TM6SF2: variants seen among roughly 807,000 people sequenced by gnomAD.
The protein encoded by TM6SF2 is transmembrane 6 superfamily member 2.
In TM6SF2, 29 loss-of-function variants were observed where a neutral mutation model predicts 41.0. That is an observed-to-expected ratio of 0.71 (90% CI 0.53 to 0.96). The LOEUF (loss-of-function observed/expected upper bound fraction) is 0.96, where lower values mean the gene tolerates loss of function less well. TM6SF2 is among the 50% of genes least tolerant of loss of function. The pLI is 0.00. For synonymous variants in TM6SF2, 200 were observed against 209.1 expected, an observed-to-expected ratio of 0.96 and a Z score of 0.37; for missense variants, 475 against 499.0, an observed-to-expected ratio of 0.95 and a Z score of 0.46.
Position 19,271,024 on chromosome 19 carries a change from G to T in TM6SF2, c.197C>A (p.Ala66Asp). 1 of 1,612,828 alleles carries T rather than the reference G, an allele frequency of 6.2e-7. No individual in the cohort carries two copies. Among genetic ancestry groups the T allele is most frequent in the Non-Finnish European group, 8.5e-7 (1 of 1,178,812 alleles). Reference protein sequence around the residue: ...HGEVSYDPLYAVFAVFAFTSV... With the variant: ...HGEVSYDPLYDVFAVFAFTSV... ...CCCACAGCTTCCCACTGACTCACCA[G>T]CATAGAGTGGGTCATAGGAGACCTC... The change falls in exon 2 of 10, where the codon GCT (alanine) becomes GAT (aspartate). Residue 66 changes from alanine to aspartate, a missense_variant and splice_region_variant. Ala to Asp is a moderately radical substitution (Grantham distance 126). Around this residue, in one of 3 missense-constraint regions of TM6SF2, gnomAD observed 238 missense variants for 228.6 expected, o/e 1.04. Transcript: ENST00000389363.
At chr19:19,265,407 C>CTATCTATCT (rs1478604397) in intron 9 of TM6SF2, among the ~76,000 whole-genome samples, 60 of 87,710 alleles carry the variant, frequency 6.8e-4, no homozygotes, top group East Asian at 5.0e-3. Flanking sequence ...TCTATCTATC[C>CTATCTATCT]ATCCATCCAT....
chr19:19,270,983 C>T (rs770996540), intron 2 of TM6SF2, 39 bp downstream of exon 2: 1 of 1,579,642 alleles, frequency 6.3e-7, no homozygotes, highest in Non-Finnish European at 8.7e-7. Flanking sequence ...AGGCCCTTGC[C>T]TGGACAGTCT....
chr19:19,267,342 TG>T, intron 8 of TM6SF2, among the ~76,000 whole-genome samples: 1 of 138,676 alleles, frequency 7.2e-6, no homozygotes, highest in East Asian at 2.1e-4. Flanking sequence ...CACTCCAGCC[TG>T]GGCCACAAGA....
Position 19,266,369 on chromosome 19 carries a change from C to CTGGG in TM6SF2, c.924+117_924+120dup. The CTGGG allele has an allele frequency of 2.1e-6, 3 of 1,410,072 alleles. No homozygotes were observed. In the South Asian group the frequency reaches 4.0e-5, roughly 19 times the overall value. 87.3% of individuals were successfully genotyped at this position (1,410,072 alleles called of 1,614,324 possible). On this transcript the variant is annotated intron_variant, in intron 9 of 9. Coordinates refer to ENST00000389363, the MANE Select transcript of TM6SF2 (RefSeq NM_001001524.3). ...ACTAGGGAATCCTGGGATATTGGGC[C>CTGGG]TGGGGCTGGGGCCTCTTGGGGGCTC...
chr19:19,270,957 C>T, intron 2 of TM6SF2, 65 bp downstream of exon 2: 1 of 1,417,586 alleles, frequency 7.1e-7, no homozygotes, highest in Non-Finnish European at 1.0e-6. Flanking sequence ...TTAATGGCCC[C>T]CAAGTCTGAG....
At chr19:19,265,415 C>CGTCT (rs1568611154) in intron 9 of TM6SF2, among the ~76,000 whole-genome samples, 4 of 96,996 alleles carry the variant, frequency 4.1e-5, no homozygotes, top group South Asian at 3.1e-4. Flanking sequence ...TCCATCCATC[C>CGTCT]ATCTATCTAT....
In TM6SF2 at chr19:19,270,324, C is replaced by T; in HGVS notation, c.297+21G>A. ...CAGACGGGCAGTGCGGTAGGGGGCT[C>T]CCTGGTCGTCCCCCAAGTACCTCCT... On this transcript the variant is annotated intron_variant, in intron 3 of 9. Coordinates refer to ENST00000389363, the MANE Select transcript of TM6SF2 (RefSeq NM_001001524.3). 3.1e-6 allele frequency: 5 copies of T among 1,614,096 alleles called. No individual in the cohort carries two copies. The Admixed American group carries it at 5.0e-5, about 16-fold the overall frequency.
rs115679832 is a variant in TM6SF2, at chr19:19,272,758, C to G, written c.95+363G>C. On this transcript the variant is annotated intron_variant, in intron 1 of 9. Coordinates refer to ENST00000389363, the MANE Select transcript of TM6SF2 (RefSeq NM_001001524.3). The stretch of plus-strand genomic sequence containing the variant: ...AGGAGTCAGGTACCCGGGGCCTTAT[C>G]TGGGACAATACTTTTACCCTTGGTG... 7.6e-3 allele frequency among the ~76,000 whole-genome samples: 1,143 copies of G among 151,028 alleles called. 17 individuals are homozygous for G. The highest frequency in any genetic ancestry group is 0.025 in the African/African-American group (1,031 of 41,040).
Position 19,264,724 on chromosome 19 carries a change from G to C in TM6SF2, c.1074C>G (p.Pro358=), listed in dbSNP as rs199962010. ...AGGGTGGTGGCTGGTGGAAGAATGC[G>C]GGCCACTGAAGGCAACGGTAGGCCA... ...HLLAYRCLQW[P]AFFHQPPPSD... Residue 358 remains proline, a synonymous_variant, in exon 10 of 10, where the codon CCC becomes CCG. Coordinates refer to ENST00000389363, the MANE Select transcript of TM6SF2 (RefSeq NM_001001524.3). 14 of 1,598,078 alleles carry C rather than the reference G, an allele frequency of 8.8e-6. No homozygotes were observed. Among genetic ancestry groups the C allele is most frequent in the Non-Finnish European group, 1.2e-5 (14 of 1,172,250 alleles).
At chr19:19,273,061 T>TGGCCCCCCCCCCCCC in intron 1 of TM6SF2, 60 bp downstream of exon 1, 16 of 305,466 alleles carry the variant, frequency 5.2e-5, no homozygotes, top group Non-Finnish European at 7.3e-5. Context: ...CCTCCAGTCC[T>TGGCCCCCCCCCCCCC]CCCCGCCCCC....
In TM6SF2 at chr19:19,271,134, A is replaced by G; in HGVS notation, c.96-9T>C. 6.2e-7 allele frequency: 1 copy of G among 1,612,400 alleles called. No individual in the cohort carries two copies. The highest frequency in any genetic ancestry group is 8.5e-7 in the Non-Finnish European group (1 of 1,178,472). ...ATGCCACCCACAGGGGGCTGTGGAG[A>G]GGGAAGCCAAGTCAGGGAGGCCAGG... On this transcript the variant is annotated splice_polypyrimidine_tract_variant and intron_variant, in intron 1 of 9. Transcript: ENST00000389363.
chr19:19,264,710 T>C lies in TM6SF2; in HGVS notation c.1088A>G (p.Gln363Arg). 1.3e-6 allele frequency: 2 copies of C among 1,589,086 alleles called. No individual in the cohort carries two copies. Among genetic ancestry groups the C allele is most frequent in the Non-Finnish European group, 1.7e-6 (2 of 1,167,018 alleles). The change falls in exon 10 of 10, where the codon CAG becomes CGG. Residue 363 changes from glutamine to arginine, a missense_variant. Gln to Arg is a conservative substitution (Grantham distance 43). Around this residue, in one of 3 missense-constraint regions of TM6SF2, gnomAD observed 190 missense variants for 190.2 expected, o/e 1.00. Transcript: ENST00000389363. ...RCLQWPAFFH[Q>R]PPPSDPLALH... ...GGCTAGGGGGTCGGAGGGTGGTGGC[T>C]GGTGGAAGAATGCGGGCCACTGAAG... is the stretch of plus-strand genomic sequence containing the variant.
intron 9 of TM6SF2, among the ~76,000 whole-genome samples, chr19:19,265,549 G>A (rs2061000824): frequency 6.6e-6 from 1 of 152,072 alleles, no homozygotes; most frequent in Non-Finnish European, 1.5e-5. Context: ...CTCCCGAGTA[G>A]CTAGCACAGC....
intron 5 of TM6SF2, 34 bp from the exon 6 acceptor site, chr19:19,268,788 GC>G: frequency 6.4e-7 from 1 of 1,555,958 alleles, no homozygotes; most frequent in East Asian, 2.5e-5. Flanking sequence ...CATCAGCCAT[GC>G]CAGAACCCTG....
At chr19:19,265,360 TTCTATCTATCTATCTATCTA>T (rs548804768) in intron 9 of TM6SF2, among the ~76,000 whole-genome samples, 2 of 140,396 alleles carry the variant, frequency 1.4e-5, no homozygotes, top group Non-Finnish European at 3.1e-5. Flanking sequence ...TTTTTAAAAT[TTCTATCTATCTATCTATCTA>T]TCTATCTATC....
At chr19:19,264,996 C>T in intron 9 of TM6SF2, 123 bp from the exon 10 acceptor site, 1 of 489,028 alleles carries the variant, frequency 2.0e-6, no homozygotes. Flanking sequence ...ACCTCTCGGG[C>T]TTTGCTCATC....
chr19:19,264,505 G>A lies in TM6SF2; in HGVS notation c.*159C>T, dbSNP rs758465670. On this transcript the variant is annotated 3_prime_UTR_variant, in exon 10 of 10. Transcript: ENST00000389363. ...GCTCTCCTTGCAGGAACACTTGGTC[G>A]TTGGTCTCCATCCCACCCACTGGAC... 1.4e-4 allele frequency: 71 copies of A among 514,138 alleles called. No homozygotes were observed. The highest frequency in any genetic ancestry group is 2.4e-4 in the African/African-American group (12 of 50,448). 31.8% of individuals were successfully genotyped at this position (514,138 alleles called of 1,614,324 possible). A position where few individuals can be genotyped will look rare whatever the true frequency, so the allele number is the denominator to read the frequency against.
At chr19:19,267,955 G>A (rs768967492) in intron 7 of TM6SF2, 31 bp downstream of exon 7, 1 of 1,434,460 alleles carries the variant, frequency 7.0e-7, no homozygotes, top group South Asian at 1.2e-5. Flanking sequence ...CTGGTGGCAG[G>A]GGAGGGGGAG....
chr19:19,268,742 G>T lies in TM6SF2; in HGVS notation c.497C>A (p.Ser166Tyr), dbSNP rs1362670090. 2 of 1,603,980 alleles carry T rather than the reference G, an allele frequency of 1.2e-6. No homozygotes were observed. Among genetic ancestry groups the T allele is most frequent in the Non-Finnish European group, 1.7e-6 (2 of 1,176,598 alleles). Residue 166 changes from serine to tyrosine, a missense_variant, in exon 6 of 10, where the codon TCC (serine) becomes TAC (tyrosine). Physicochemically the swap from Ser to Tyr is moderately radical, Grantham distance 144. Coordinates refer to ENST00000389363, the MANE Select transcript of TM6SF2 (RefSeq NM_001001524.3). ...GAGGAAGAAGGCAGGCCTGATCTCGGAGCTGTATTTGCCTTCCATGGTGCA... is the reference window on the plus strand; with the variant it reads ...GAGGAAGAAGGCAGGCCTGATCTCGTAGCTGTATTTGCCTTCCATGGTGCA... ...LTGNILGKYSSEIRPAFFLTI... is the reference protein window; with the variant it reads ...LTGNILGKYSYEIRPAFFLTI...
Sources: allele counts gnomAD v4.1 joint callset (sites outside exome capture counted in the v4.1 genomes callset), GRCh38; gene constraint gnomAD v4.1.1; regional missense constraint gnomAD v4.1.1; transcripts MANE v1.5; gene names NCBI Gene and HGNC (gene_info 2026-07-23, HGNC 2026-07-21).